ANKRD36B: variants seen among roughly 807,000 people sequenced by gnomAD.
ANKRD36B encodes ankyrin repeat domain-containing protein 36B.
ANKRD36B carries 37 observed loss-of-function variants against 135.7 expected under a neutral mutation model. The observed-to-expected ratio is 0.27, with a 90% CI of 0.21 to 0.36. ANKRD36B has a LOEUF of 0.36. ANKRD36B is among the 10% of genes least tolerant of loss of function. The pLI is 1.00. For synonymous variants in ANKRD36B, 179 were observed against 348.1 expected, an observed-to-expected ratio of 0.51 and a Z score of 5.41; for missense variants, 549 against 1,037.1, an observed-to-expected ratio of 0.53 and a Z score of 6.46.
chr2:97,546,950 C>T (rs1193191786), intron 22 of ANKRD36B, among the ~76,000 whole-genome samples: 1 of 151,586 alleles, frequency 6.6e-6, no homozygotes, highest in Non-Finnish European at 1.5e-5. Context: ...GTTCCTGGAG[C>T]AGCCAAAATC....
chr2:97,553,131 G>C, intron 16 of ANKRD36B, 37 bp downstream of exon 16: 1 of 1,595,154 alleles, frequency 6.3e-7, no homozygotes, highest in Non-Finnish European at 8.6e-7. Flanking sequence ...TTTCTATCTG[G>C]ATTGAACATG....
chr2:97,589,638 A>C lies in ANKRD36B; in HGVS notation c.48T>G (p.Ile16Met). The stretch of plus-strand genomic sequence containing the variant: ...GGATCCTCTTCAGATGATACGGTTT[A>C]ATGTAGTAATGGGGAAATGCGAAGC... ...SDGFAFPHYY[I>M]KPYHLKRIHR... The change falls in exon 1 of 44, where the codon ATT (isoleucine) becomes ATG (methionine). Residue 16 changes from isoleucine (I) to methionine (M), a missense_variant. Coordinates refer to ENST00000359901, the MANE Select transcript of ANKRD36B (RefSeq NM_001393939.1). 6.2e-7 allele frequency: 1 copy of C among 1,614,146 alleles called. No individual in the cohort carries two copies. Among genetic ancestry groups the C allele is most frequent in the Non-Finnish European group, 8.5e-7 (1 of 1,180,022 alleles).
At chr2:97,578,622 G>A (rs1437689540) in intron 5 of ANKRD36B, among the ~76,000 whole-genome samples, 1 of 151,990 alleles carries the variant, frequency 6.6e-6, no homozygotes, top group Non-Finnish European at 1.5e-5. Flanking sequence ...TATGCATAGG[G>A]GTTATACTGG....
At chr2:97,553,086 G>C (rs941295461) in intron 16 of ANKRD36B, 82 bp downstream of exon 16, 13 of 1,512,438 alleles carry the variant, frequency 8.6e-6, no homozygotes, top group East Asian at 2.4e-5. Context: ...CCCCCCACCC[G>C]CCCTGCGCTG....
chr2:97,559,067 T>C, intron 8 of ANKRD36B, 73 bp from the exon 9 acceptor site: 11 of 1,593,164 alleles, frequency 6.9e-6, no homozygotes, highest in Non-Finnish European at 9.4e-6. Context: ...CCATGCAGTG[T>C]TAGCATCAAG....
chr2:97,536,679 C>T lies in ANKRD36B; in HGVS notation c.2090-183G>A, dbSNP rs536677718. 4.1e-4 allele frequency among the ~76,000 whole-genome samples: 39 copies of T among 95,812 alleles called. 16 individuals carry two copies. Among genetic ancestry groups the T allele is most frequent in the Non-Finnish European group, 9.1e-4 (33 of 36,122 alleles). 62.9% of individuals were successfully genotyped at this position (95,812 alleles called of 152,430 possible). ...GCAATAAAGAAAATAGGAATACAAGCTTCAAAAACATACAGTTACAAGTTA... is the reference window on the plus strand; with the variant it reads ...GCAATAAAGAAAATAGGAATACAAGTTTCAAAAACATACAGTTACAAGTTA... On this transcript the variant is annotated intron_variant, in intron 32 of 43. Coordinates refer to ENST00000359901, the MANE Select transcript of ANKRD36B (RefSeq NM_001393939.1).
At chr2:97,573,904 C>T (rs1283819838) in intron 6 of ANKRD36B, among the ~76,000 whole-genome samples, 1 of 152,198 alleles carries the variant, frequency 6.6e-6, no homozygotes, top group Admixed American at 6.5e-5. Context: ...GGATTAAAGA[C>T]TTACATGTTA....
In ANKRD36B at chr2:97,539,456, A is replaced by AAT. The variant is rs1478521654; in HGVS notation, c.1987+576_1987+577dup. Among the ~76,000 whole-genome samples, 16 of 96,644 alleles carry AAT rather than the reference A, an allele frequency of 1.7e-4. 6 individuals carry two copies. The highest frequency in any genetic ancestry group is 4.1e-4 in the Non-Finnish European group (15 of 36,332). The allele number at this position is 96,644 out of a possible 152,430, so 63.4% of individuals were successfully genotyped here. On this transcript the variant is annotated intron_variant, in intron 30 of 43. Transcript: ENST00000359901. Reference sequence around the variant, plus strand: ...TTCCACTGGTTCCTAAAGCAGTCAAAATCAAATCTTCTTTTAGGAAAATAT... The same window carrying AAT: ...TTCCACTGGTTCCTAAAGCAGTCAAAATATCAAATCTTCTTTTAGGAAAATAT...
intron 10 of ANKRD36B, among the ~76,000 whole-genome samples, chr2:97,558,200 C>T (rs2080701779): frequency 6.6e-6 from 1 of 151,976 alleles, no homozygotes; most frequent in Non-Finnish European, 1.5e-5. Context: ...TTCTAGTACT[C>T]CTTCCTGCTT....
Position 97,527,574 on chromosome 2 carries a change from T to C in ANKRD36B, c.2266-4107A>G, listed in dbSNP as rs2078287208. On this transcript the variant is annotated intron_variant, in intron 35 of 43. Transcript: ENST00000359901. ...TAACAATATTAACTTTAAATGTAAA[T>C]GGACTAAATGCTCCAATTAAAAGAC... Among the ~76,000 whole-genome samples, 3 of 93,440 alleles carry C rather than the reference T, an allele frequency of 3.2e-5. No homozygotes were observed. The South Asian group carries it at 7.3e-4, about 23-fold the overall frequency. 61.3% of individuals were successfully genotyped at this position (93,440 alleles called of 152,430 possible).
chr2:97,513,809 C>T (rs78946765), intron 37 of ANKRD36B, among the ~76,000 whole-genome samples: 138 of 92,222 alleles, frequency 1.5e-3, no homozygotes, highest in East Asian at 8.7e-3. Flanking sequence ...AAACTTGGTC[C>T]CCACAATCAT....
At position 97,589,608 on chromosome 2, in the gene ANKRD36B, T is replaced by G. The variant is rs760060998; in HGVS notation, c.78A>C (p.Arg26Ser). ...IKPYHLKRIH[R>S]AVLRGNLEKL... ...TCTCCAGATTACCACGTAAGACAGC[T>G]CTGTGGATCCTCTTCAGATGATACG... Residue 26 changes from arginine to serine, a missense_variant, in exon 1 of 44, where the codon AGA becomes AGC. Physicochemically the swap from Arg to Ser is moderately radical, Grantham distance 110. Coordinates refer to ENST00000359901, the MANE Select transcript of ANKRD36B (RefSeq NM_001393939.1). The G allele has an allele frequency of 6.2e-7, 1 of 1,614,070 alleles. No homozygotes were observed. The highest frequency in any genetic ancestry group is 8.5e-7 in the Non-Finnish European group (1 of 1,180,010).
chr2:97,553,888 G>A (rs1297319905), intron 14 of ANKRD36B, among the ~76,000 whole-genome samples: 2 of 151,948 alleles, frequency 1.3e-5, no homozygotes, highest in East Asian at 3.9e-4. Flanking sequence ...TCAGTGAAGT[G>A]TCCTAAATTG....
intron 6 of ANKRD36B, among the ~76,000 whole-genome samples, chr2:97,568,005 T>G (rs1019113107): frequency 6.6e-6 from 1 of 152,138 alleles, no homozygotes; most frequent in Non-Finnish European, 1.5e-5. Context: ...GAAAGTAGGG[T>G]GACTATAGTA....
intron 10 of ANKRD36B, 114 bp from the exon 11 acceptor site, chr2:97,557,246 T>G: frequency 1.4e-6 from 2 of 1,428,896 alleles, no homozygotes; most frequent in East Asian, 5.0e-5. Context: ...AGTGTAGGAT[T>G]TGATGTTTTA....
intron 3 of ANKRD36B, among the ~76,000 whole-genome samples, chr2:97,582,323 T>C (rs1482744871): frequency 6.6e-6 from 1 of 151,912 alleles, no homozygotes; most frequent in Non-Finnish European, 1.5e-5. Context: ...ATATAAAATA[T>C]AGACTCTACA....
intron 20 of ANKRD36B, among the ~76,000 whole-genome samples, chr2:97,548,043 G>A (rs2079656601): frequency 1.3e-5 from 2 of 151,864 alleles, no homozygotes; most frequent in South Asian, 4.1e-4. Flanking sequence ...AAAATCAGAG[G>A]AGAAACTCAT....
At chr2:97,562,730 T>C (rs912701965) in intron 6 of ANKRD36B, among the ~76,000 whole-genome samples, 1 of 152,086 alleles carries the variant, frequency 6.6e-6, no homozygotes, top group African/African-American at 2.4e-5. Flanking sequence ...CCACTGTATG[T>C]GACATCTGTA....
rs2442198 is a variant in ANKRD36B at position 97,514,557 on chromosome 2, C to T, written c.2621+1175G>A. Among the ~76,000 whole-genome samples the T allele has an allele frequency of 1.2e-4, 10 of 82,926 alleles. 1 individual carries two copies. The highest frequency in any genetic ancestry group is 1.0e-3 in the South Asian group (4 of 3,840). 54.4% of individuals were successfully genotyped at this position (82,926 alleles called of 152,430 possible). On this transcript the variant is annotated intron_variant, in intron 37 of 43. Coordinates refer to ENST00000359901, the MANE Select transcript of ANKRD36B (RefSeq NM_001393939.1). ...GTATCCCTAAACATAATTTACATTG[C>T]AAGATAGCATTTTCGATGTCTTTAT...
Sources: gnomAD v4.1 joint callset for allele counts (sites outside exome capture counted in the v4.1 genomes callset) on GRCh38, gnomAD v4.1.1 for gene constraint, MANE v1.5 for transcripts, NCBI Gene and HGNC (gene_info 2026-07-23, HGNC 2026-07-21) for gene names.